THBS4: variants seen among roughly 807,000 people sequenced by gnomAD.
THBS4 encodes the protein thrombospondin-4.
A neutral mutation model predicts 115.7 loss-of-function variants in THBS4; 90 were observed. That is an observed-to-expected ratio of 0.78 (90% CI 0.66 to 0.93). The LOEUF (loss-of-function observed/expected upper bound fraction) is 0.93, where lower values mean the gene tolerates loss of function less well. THBS4 is among the 40% of genes least tolerant of loss of function. THBS4 has a pLI of 0.00. For synonymous variants in THBS4, 460 were observed against 479.3 expected, an observed-to-expected ratio of 0.96 and a Z score of 0.53; for missense variants, 1,087 against 1,232.7, an observed-to-expected ratio of 0.88 and a Z score of 1.77.
At chr5:80,011,272 T>C (rs948634802) in intron 2 of THBS4, among the ~76,000 whole-genome samples, 1 of 151,970 alleles carries the variant, frequency 6.6e-6, no homozygotes, top group African/African-American at 2.4e-5. Flanking sequence ...CTTTCTTTTG[T>C]AAATTACCCA....
At chr5:80,007,627 G>A (rs1425668873) in intron 2 of THBS4, among the ~76,000 whole-genome samples, 1 of 152,186 alleles carries the variant, frequency 6.6e-6, no homozygotes, top group Admixed American at 6.5e-5. Flanking sequence ...GTCAAGTGAT[G>A]TACTTCTTGG....
chr5:80,021,562 C>G (rs1403443560), intron 2 of THBS4, among the ~76,000 whole-genome samples: 4 of 151,918 alleles, frequency 2.6e-5, no homozygotes, highest in Non-Finnish European at 5.9e-5. Flanking sequence ...GCTGGAGTGT[C>G]GTGGTACAGT....
intron 1 of THBS4, among the ~76,000 whole-genome samples, chr5:79,992,011 C>G (rs2151145730): frequency 6.6e-6 from 1 of 152,296 alleles, no homozygotes; most frequent in South Asian, 2.1e-4. Context: ...TAAAAAGGCT[C>G]CTCATTTGGC....
chr5:80,080,316 G>T, intron 20 of THBS4: 1 of 505,598 alleles, frequency 2.0e-6, no homozygotes. Flanking sequence ...CAGAGCTGAG[G>T]GGACGACCCA....
At chr5:80,006,790 G>A (rs1457961010) in intron 2 of THBS4, among the ~76,000 whole-genome samples, 2 of 152,144 alleles carry the variant, frequency 1.3e-5, no homozygotes, top group East Asian at 3.8e-4. Context: ...TGGGTACAAT[G>A]TATGTTATTT....
Position 80,070,750 on chromosome 5 carries a change from G to A in THBS4, c.1560G>A (p.Gln520=), listed in dbSNP as rs771468433. The change falls in exon 12 of 22, where the codon CAG becomes CAA. Residue 520 remains glutamine, a splice_region_variant and synonymous_variant. Coordinates refer to ENST00000350881, the MANE Select transcript of THBS4 (RefSeq NM_003248.6). The part of the protein sequence containing the change: ...DADGDGILNE[Q]DNCVLIHNVD... ...ACGGAGATGGGATCCTGAATGAGCA[G>A]GTACCTGCTTCGCTGGGAGGGCCTG... is the stretch of plus-strand genomic sequence containing the variant. 1.9e-6 allele frequency: 3 copies of A among 1,614,172 alleles called. No homozygotes were observed. Among genetic ancestry groups the A allele is most frequent in the South Asian group, 1.1e-5 (1 of 91,082 alleles).
chr5:79,994,755 G>C (rs565669179), intron 1 of THBS4, among the ~76,000 whole-genome samples: 1 of 152,186 alleles, frequency 6.6e-6, no homozygotes, highest in Non-Finnish European at 1.5e-5. Context: ...GCAGTGAGCC[G>C]TGATTGTGCA....
chr5:80,028,767 C>A (rs1832528874), intron 2 of THBS4, among the ~76,000 whole-genome samples: 1 of 152,046 alleles, frequency 6.6e-6, no homozygotes. Context: ...CCCACAAAAC[C>A]ATACTTTCCA....
At chr5:80,076,788 C>A in intron 15 of THBS4, 67 bp from the exon 16 acceptor site, 1 of 1,374,038 alleles carries the variant, frequency 7.3e-7, no homozygotes, top group South Asian at 2.0e-5. Context: ...GACTCTCCTT[C>A]CTAAAAATGG....
intron 2 of THBS4, among the ~76,000 whole-genome samples, chr5:80,028,785 T>C (rs529917642): frequency 1.3e-5 from 2 of 152,224 alleles, no homozygotes; most frequent in South Asian, 4.1e-4. Context: ...CCAGATTTTC[T>C]TTTGCATCCT....
chr5:80,002,277 C>T (rs1282852550), intron 2 of THBS4, among the ~76,000 whole-genome samples: 1 of 152,126 alleles, frequency 6.6e-6, no homozygotes, highest in East Asian at 1.9e-4. Context: ...GGCCACACTA[C>T]CTCAAGGGCA....
chr5:80,056,080 T>C (rs770854988), intron 3 of THBS4, 48 bp downstream of exon 3: 5 of 1,547,834 alleles, frequency 3.2e-6, no homozygotes, highest in Admixed American at 2.0e-5. Flanking sequence ...GAGCTGCCAG[T>C]GCCTAGGGAG....
At chr5:80,075,675 T>A (rs1743171684) in intron 15 of THBS4, among the ~76,000 whole-genome samples, 2 of 152,380 alleles carry the variant, frequency 1.3e-5, no homozygotes, top group South Asian at 4.1e-4. Flanking sequence ...CTGCTATGTT[T>A]TAATTCCCAC....
chr5:80,067,545 A>T (rs1343869771), intron 9 of THBS4: 1 of 153,232 alleles, frequency 6.5e-6, no homozygotes, highest in Non-Finnish European at 1.5e-5. Context: ...TTCCTTTGTC[A>T]TTCCATTGTA....
At chr5:80,076,613 G>A (rs960317300) in intron 15 of THBS4, among the ~76,000 whole-genome samples, 2 of 152,250 alleles carry the variant, frequency 1.3e-5, no homozygotes, top group Middle Eastern at 3.4e-3. Context: ...ATAAATCATA[G>A]AAATAGACCC....
chr5:80,045,615 C>A (rs1024657178), intron 2 of THBS4, among the ~76,000 whole-genome samples: 3 of 150,838 alleles, frequency 2.0e-5, no homozygotes, highest in Non-Finnish European at 4.4e-5. Flanking sequence ...ACTGCAACCT[C>A]CGCCTCCCGG....
chr5:80,029,548 A>AT (rs1031621601), intron 2 of THBS4, among the ~76,000 whole-genome samples: 2 of 152,106 alleles, frequency 1.3e-5, no homozygotes, highest in Non-Finnish European at 2.9e-5. Flanking sequence ...GTTAATGATA[A>AT]TTTTTTTATA....
At chr5:80,072,568 C>G (rs953854729) in intron 14 of THBS4, 172 bp downstream of exon 14, 2 of 652,536 alleles carry the variant, frequency 3.1e-6, no homozygotes, top group African/African-American at 3.6e-5. Context: ...GGATGAACAC[C>G]ACACAAGATC....
intron 2 of THBS4, among the ~76,000 whole-genome samples, chr5:80,042,766 G>GAACA (rs1450109583): frequency 6.6e-6 from 1 of 152,140 alleles, no homozygotes; most frequent in African/African-American, 2.4e-5. Context: ...AGGAGTTCGA[G>GAACA]AACAGCATGG....
Sources: allele counts gnomAD v4.1 joint callset (sites outside exome capture counted in the v4.1 genomes callset), GRCh38; gene constraint gnomAD v4.1.1; transcripts MANE v1.5; gene names NCBI Gene and HGNC (gene_info 2026-07-23, HGNC 2026-07-21).